The following SGCZ variants were observed in gnomAD, a reference collection of about 807,000 sequenced individuals.
SGCZ encodes zeta-sarcoglycan.
A neutral mutation model predicts 41.3 loss-of-function variants in SGCZ; 40 were observed. The observed-to-expected ratio is 0.97, with a 90% CI of 0.75 to 1.26. The LOEUF (loss-of-function observed/expected upper bound fraction) is 1.26, where lower values mean the gene tolerates loss of function less well. Among genes scored for constraint, SGCZ ranks in the 50% most tolerant of loss-of-function variants. The pLI, the probability that SGCZ is intolerant of heterozygous loss-of-function variation, is 0.00. For synonymous variants in SGCZ, 206 were observed against 137.5 expected (o/e 1.50, Z -3.49); for missense variants, 552 against 369.8 (o/e 1.49, Z -4.04).
chr8:14,587,806 C>G (rs1254385887), intron 1 of SGCZ, among the ~76,000 whole-genome samples: 1 of 151,968 alleles, frequency 6.6e-6, no homozygotes, highest in East Asian at 1.9e-4. Context: ...TTAACAGGCT[C>G]AAAATAACAA....
At chr8:14,858,536 C>A (rs1027559579) in intron 1 of SGCZ, among the ~76,000 whole-genome samples, 1 of 152,076 alleles carries the variant, frequency 6.6e-6, no homozygotes, top group South Asian at 2.1e-4. Context: ...ACTATTTTAG[C>A]CTTTTTAGCT....
intron 5 of SGCZ, among the ~76,000 whole-genome samples, chr8:14,159,829 T>C (rs1191425054): frequency 6.6e-6 from 1 of 152,118 alleles, no homozygotes; most frequent in Non-Finnish European, 1.5e-5. Context: ...GCCAATTTAA[T>C]AGACAAGAAC....
rs1186814042 is a variant in SGCZ at position 15,161,539 on chromosome 8, A to C, written c.39+76046T>G. On this transcript the variant is annotated intron_variant, in intron 1 of 7. Transcript: ENST00000382080. ...CAGCAGTGGGCAGTGCCTGGTGTCCAGTAGGTGCTTAATGGGTCTCTGTGA... is the reference window on the plus strand; with the variant it reads ...CAGCAGTGGGCAGTGCCTGGTGTCCCGTAGGTGCTTAATGGGTCTCTGTGA... Among the ~76,000 whole-genome samples, 4 of 152,192 alleles carry C rather than the reference A, an allele frequency of 2.6e-5. No individual in the cohort carries two copies. The East Asian group carries it at 7.7e-4, about 29-fold the overall frequency.
chr8:14,121,384 G>T (rs1001655252), intron 5 of SGCZ, among the ~76,000 whole-genome samples: 1 of 152,072 alleles, frequency 6.6e-6, no homozygotes, highest in Non-Finnish European at 1.5e-5. Flanking sequence ...TGTTTAAAAA[G>T]TGACTAATTT....
At chr8:14,342,429 G>C (rs929214876) in intron 2 of SGCZ, among the ~76,000 whole-genome samples, 6 of 152,014 alleles carry the variant, frequency 3.9e-5, no homozygotes, top group Admixed American at 6.6e-5. Flanking sequence ...CCATTCTCCT[G>C]CCTCAGCCTC....
At chr8:14,516,273 T>A (rs1802617936) in intron 2 of SGCZ, among the ~76,000 whole-genome samples, 1 of 151,138 alleles carries the variant, frequency 6.6e-6, no homozygotes, top group African/African-American at 2.4e-5. Context: ...CAGTAGGTAC[T>A]TTTTTTTTGC....
chr8:14,534,400 A>C (rs1303462618), intron 2 of SGCZ, among the ~76,000 whole-genome samples: 2 of 152,056 alleles, frequency 1.3e-5, no homozygotes, highest in Non-Finnish European at 1.5e-5. Flanking sequence ...TTCTTACTGG[A>C]AAGTTTCTAA....
At chr8:14,214,927 T>A (rs1263937850) in intron 4 of SGCZ, among the ~76,000 whole-genome samples, 16 of 152,164 alleles carry the variant, frequency 1.1e-4, no homozygotes, top group Non-Finnish European at 1.5e-5. Context: ...AGCTGGATAC[T>A]TCAATACCAC....
At chr8:14,821,010 T>C (rs7823866) in intron 1 of SGCZ, among the ~76,000 whole-genome samples, 19,428 of 150,224 alleles carry the variant, frequency 0.13, 1,700 homozygotes, top group East Asian at 0.27. Flanking sequence ...AAAATAGCGA[T>C]TCAAAAAATG....
intron 1 of SGCZ, among the ~76,000 whole-genome samples, chr8:15,182,981 TGGCTTA>T (rs1343305507): frequency 6.6e-6 from 1 of 152,192 alleles, no homozygotes; most frequent in Non-Finnish European, 1.5e-5. Flanking sequence ...ACACACACAT[TGGCTTA>T]GGCCTACACA....
intron 4 of SGCZ, among the ~76,000 whole-genome samples, chr8:14,180,895 G>A (rs565610204): frequency 2.0e-5 from 3 of 151,780 alleles, no homozygotes; most frequent in Admixed American, 2.0e-4. Flanking sequence ...GCAGTGGGGA[G>A]TGCCATGAAG....
chr8:14,289,832 TA>T (rs1563237366), intron 3 of SGCZ, among the ~76,000 whole-genome samples: 1 of 148,062 alleles, frequency 6.8e-6, no homozygotes, highest in African/African-American at 2.5e-5. Context: ...TTAAAAAAAA[TA>T]AAAAGAAAAG....
At chr8:14,094,493 C>T (rs1801783450) in intron 7 of SGCZ, among the ~76,000 whole-genome samples, 1 of 152,066 alleles carries the variant, frequency 6.6e-6, no homozygotes. Flanking sequence ...GCACAGTATT[C>T]CGTGGTGTAT....
rs556181668 is a variant in SGCZ at position 14,674,521 on chromosome 8, A to G, written c.40-119595T>C. ...AAATTGGTTTGAAAATAAAATGTGTAGTTTACAATAAACCTATATGGTGCT... is the reference window on the plus strand; with the variant it reads ...AAATTGGTTTGAAAATAAAATGTGTGGTTTACAATAAACCTATATGGTGCT... On this transcript the variant is annotated intron_variant, in intron 1 of 7. Coordinates refer to ENST00000382080, the MANE Select transcript of SGCZ (RefSeq NM_139167.4). Among the ~76,000 whole-genome samples the G allele has an allele frequency of 5.3e-5, 8 of 152,340 alleles. No homozygotes were observed. The East Asian group carries it at 1.4e-3, about 26-fold the overall frequency.
chr8:14,427,395 G>A (rs996871118), intron 2 of SGCZ, among the ~76,000 whole-genome samples: 2 of 152,010 alleles, frequency 1.3e-5, no homozygotes, highest in African/African-American at 2.4e-5. Context: ...AAAGCGTGAA[G>A]GCATTTTGTT....
intron 4 of SGCZ, among the ~76,000 whole-genome samples, chr8:14,207,190 A>C (rs915578581): frequency 8.3e-5 from 2 of 24,176 alleles, no homozygotes; most frequent in Non-Finnish European, 1.3e-4. Flanking sequence ...TTGTAGTCTG[A>C]TTCTTATAAA....
rs529238848 is a variant in SGCZ at position 14,086,973 on chromosome 8, G to A, written c.*3470C>T. Among the ~76,000 whole-genome samples, 23 of 151,696 alleles carry A rather than the reference G, an allele frequency of 1.5e-4. No homozygotes were observed. The highest frequency in any genetic ancestry group is 1.5e-3 in the South Asian group (7 of 4,826). ...CACAGATAAGTGAACTGTGACCAAC[G>A]TAATTAAATATATGTCTTAAGTAGG... On this transcript the variant is annotated 3_prime_UTR_variant, in exon 8 of 8. Transcript: ENST00000382080.
At chr8:14,744,480 C>A (rs552086989) in intron 1 of SGCZ, among the ~76,000 whole-genome samples, 1 of 152,088 alleles carries the variant, frequency 6.6e-6, no homozygotes, top group Admixed American at 6.6e-5. Flanking sequence ...CAAAATTTAC[C>A]CTGGACCCCA....
At chr8:14,435,217 C>A (rs1399331333) in intron 2 of SGCZ, among the ~76,000 whole-genome samples, 1 of 152,138 alleles carries the variant, frequency 6.6e-6, no homozygotes, top group African/African-American at 2.4e-5. Flanking sequence ...AATTTAATAT[C>A]TTGCATATTG....
Sources: allele counts gnomAD v4.1 joint callset (sites outside exome capture counted in the v4.1 genomes callset), GRCh38; gene constraint gnomAD v4.1.1; transcripts MANE v1.5; gene names NCBI Gene and HGNC (gene_info 2026-07-23, HGNC 2026-07-21).